The following CSMD1 variants were observed in gnomAD, a reference collection of about 807,000 sequenced individuals.
CSMD1 encodes the protein CUB and sushi domain-containing protein 1.
A neutral mutation model predicts 417.5 loss-of-function variants in CSMD1; 213 were observed. That is an observed-to-expected ratio of 0.51 (90% confidence interval 0.46 to 0.57). CSMD1 has a LOEUF of 0.57. CSMD1 is among the 20% of genes least tolerant of loss of function. The probability of loss-of-function intolerance (pLI) is 0.00; values close to 1 mark genes in which losing one functional copy is unlikely to be tolerated. For missense variants in CSMD1, 6,923 were observed against 4,529.7 expected (o/e 1.53, Z -15.17); for synonymous variants, 2,862 against 1,736.8 (o/e 1.65, Z -16.11).
intron 2 of CSMD1, among the ~76,000 whole-genome samples, chr8:4,423,945 G>C (rs1420778509): frequency 6.6e-6 from 1 of 151,974 alleles, no homozygotes; most frequent in Non-Finnish European, 1.5e-5. Context: ...ATTTTCAACA[G>C]ATTCAAAAGA....
chr8:3,562,732 G>T (rs2406977), intron 10 of CSMD1, among the ~76,000 whole-genome samples: 127,282 of 151,896 alleles, frequency 0.84, 53,500 homozygotes, highest in Middle Eastern at 0.89. Flanking sequence ...TTAAACAACT[G>T]ATTGGTTAAA....
intron 10 of CSMD1, among the ~76,000 whole-genome samples, chr8:3,557,179 G>GA (rs1254827422): frequency 6.6e-6 from 1 of 152,196 alleles, no homozygotes; most frequent in East Asian, 1.9e-4. Flanking sequence ...ACACTTCTAT[G>GA]AAAATAATGT....
At chr8:3,056,204 T>C (rs765429494) in intron 49 of CSMD1, among the ~76,000 whole-genome samples, 1 of 152,200 alleles carries the variant, frequency 6.6e-6, no homozygotes, top group South Asian at 2.1e-4. Flanking sequence ...ACATATCTCA[T>C]GAGAGGTGTA....
chr8:4,797,059 G>T (rs1376526008), intron 1 of CSMD1, among the ~76,000 whole-genome samples: 1 of 152,134 alleles, frequency 6.6e-6, no homozygotes, highest in African/African-American at 2.4e-5. Context: ...AGAAGCAACA[G>T]ATTCTGTCCA....
At chr8:3,863,108 G>A (rs577253215) in intron 5 of CSMD1, among the ~76,000 whole-genome samples, 24 of 152,170 alleles carry the variant, frequency 1.6e-4, no homozygotes, top group South Asian at 1.0e-3. Flanking sequence ...CTTTTTTAAA[G>A]GTGCGAAGGT....
At chr8:4,515,282 T>C (rs955440732) in intron 2 of CSMD1, among the ~76,000 whole-genome samples, 1 of 152,214 alleles carries the variant, frequency 6.6e-6, no homozygotes, top group East Asian at 1.9e-4. Flanking sequence ...CAGTCTCTGA[T>C]CTGATGTGGC....
intron 10 of CSMD1, among the ~76,000 whole-genome samples, chr8:3,499,580 C>A (rs976464642): frequency 6.6e-6 from 1 of 152,006 alleles, no homozygotes; most frequent in Non-Finnish European, 1.5e-5. Flanking sequence ...ATCCAGGGTG[C>A]TTGTTGGTAG....
chr8:4,469,617 C>T (rs777601848), intron 2 of CSMD1, among the ~76,000 whole-genome samples: 1 of 152,132 alleles, frequency 6.6e-6, no homozygotes, highest in Non-Finnish European at 1.5e-5. Flanking sequence ...GTATTCCTGA[C>T]ATCCCTAATG....
chr8:3,663,627 G>A (rs1454574796), intron 7 of CSMD1, among the ~76,000 whole-genome samples: 2 of 152,108 alleles, frequency 1.3e-5, no homozygotes, highest in African/African-American at 4.8e-5. Context: ...CCTTTGGAAA[G>A]ACTAATCAGA....
At chr8:3,242,411 A>T (rs1176132748) in intron 26 of CSMD1, among the ~76,000 whole-genome samples, 2 of 152,004 alleles carry the variant, frequency 1.3e-5, no homozygotes, top group Non-Finnish European at 2.9e-5. Flanking sequence ...GATGAGTTGC[A>T]TGGGAACAGA....
At chr8:3,789,210 G>A (rs1799598695) in intron 5 of CSMD1, among the ~76,000 whole-genome samples, 1 of 152,060 alleles carries the variant, frequency 6.6e-6, no homozygotes, top group Non-Finnish European at 1.5e-5. Flanking sequence ...CTGTGTATGA[G>A]CAAGATAGTG....
chr8:4,308,946 T>C (rs1798406320), intron 3 of CSMD1, among the ~76,000 whole-genome samples: 1 of 152,184 alleles, frequency 6.6e-6, no homozygotes, highest in African/African-American at 2.4e-5. Context: ...TTAAAGACTC[T>C]CAAATACTCC....
chr8:3,278,114 C>G (rs911073971), intron 26 of CSMD1, among the ~76,000 whole-genome samples: 1 of 151,928 alleles, frequency 6.6e-6, no homozygotes, highest in Non-Finnish European at 1.5e-5. Context: ...AGCCAAAGAG[C>G]CAATGATAGA....
intron 30 of CSMD1, among the ~76,000 whole-genome samples, chr8:3,213,851 C>CAT (rs549006646): frequency 7.6e-6 from 1 of 132,160 alleles, no homozygotes. Context: ...TGTGTATATA[C>CAT]ATACACATAT....
At chr8:4,232,058 G>C (rs1472439224) in intron 3 of CSMD1, among the ~76,000 whole-genome samples, 2 of 152,190 alleles carry the variant, frequency 1.3e-5, no homozygotes, top group Non-Finnish European at 2.9e-5. Context: ...TGAGGTGTTA[G>C]AAGAGCGAAG....
intron 26 of CSMD1, among the ~76,000 whole-genome samples, chr8:3,238,802 A>T (rs112001408): frequency 0.032 from 4,915 of 152,236 alleles, 247 homozygotes; most frequent in African/African-American, 0.11. Flanking sequence ...AAGATTATTT[A>T]TTTACTTTAA....
intron 5 of CSMD1, among the ~76,000 whole-genome samples, chr8:3,873,222 G>A (rs1805599672): frequency 6.6e-6 from 1 of 152,084 alleles, no homozygotes; most frequent in Admixed American, 6.6e-5. Context: ...CAAAGGAACA[G>A]CAATCATTCT....
chr8:3,438,574 A>G (rs572532836), intron 12 of CSMD1, among the ~76,000 whole-genome samples: 3 of 152,184 alleles, frequency 2.0e-5, no homozygotes, highest in African/African-American at 7.2e-5. Context: ...GCTTGTATCA[A>G]TAGTTTATTC....
intron 12 of CSMD1, among the ~76,000 whole-genome samples, chr8:3,455,965 C>G (rs550814669): frequency 6.6e-6 from 1 of 152,166 alleles, no homozygotes; most frequent in South Asian, 2.1e-4. Context: ...CCACCCAGTT[C>G]GAGCTTCCGG....
Sources: allele counts gnomAD v4.1 joint callset (sites outside exome capture counted in the v4.1 genomes callset), GRCh38; gene constraint gnomAD v4.1.1; transcripts MANE v1.5; gene names NCBI Gene and HGNC (gene_info 2026-07-23, HGNC 2026-07-21).